Variants in GALNT17 observed in about 807,000 individuals in gnomAD.
GALNT17 encodes the protein polypeptide N-acetylgalactosaminyltransferase 17.
In GALNT17, 29 loss-of-function variants were observed where a neutral mutation model predicts 63.7. The ratio of observed to expected loss-of-function variants is 0.46; its 90% CI spans 0.34 to 0.62. The LOEUF (loss-of-function observed/expected upper bound fraction) is 0.62, where lower values mean the gene tolerates loss of function less well. Ranked by LOEUF, GALNT17 falls within the 20% of genes least tolerant of loss-of-function variation. GALNT17 has a pLI of 0.01. For synonymous variants in GALNT17, 305 were observed against 318.3 expected, an observed-to-expected ratio of 0.96 and a Z score of 0.45; for missense variants, 603 against 799.6, an observed-to-expected ratio of 0.75 and a Z score of 2.97.
chr7:71,633,103 CAAAAAAAAAAAAAAA>C (rs71089970), intron 6 of GALNT17, among the ~76,000 whole-genome samples: 1 of 72,372 alleles, frequency 1.4e-5, no homozygotes, highest in Non-Finnish European at 2.5e-5. Context: ...GACTCTGTCT[CAAAAAAAAAAAAAAA>C]AAAAAAAGAA....
intron 6 of GALNT17, among the ~76,000 whole-genome samples, chr7:71,647,392 G>A (rs1280306845): frequency 6.6e-6 from 1 of 152,032 alleles, no homozygotes; most frequent in Admixed American, 6.6e-5. Flanking sequence ...TTTAAACAAC[G>A]ACAGGGATGG....
chr7:71,595,931 A>G (rs1191957372), intron 6 of GALNT17, among the ~76,000 whole-genome samples: 2 of 152,214 alleles, frequency 1.3e-5, no homozygotes, highest in African/African-American at 4.8e-5. Context: ...TGAGGATCCC[A>G]TAAAGGGCAA....
In GALNT17 at chr7:71,132,777, G is replaced by C. The variant is rs918938902; in HGVS notation, c.-26G>C. On this transcript the variant is annotated 5_prime_UTR_variant, in exon 1 of 11. Coordinates refer to ENST00000333538, the MANE Select transcript of GALNT17 (RefSeq NM_022479.3). ...CCGGAGCCCGAGGGGGCGCAGGTCC[G>C]GGGCGAGGGCCGGCCGGGCTGTTTG... The C allele has an allele frequency of 3.2e-6, 5 of 1,565,050 alleles. No individual in the cohort carries two copies. The highest frequency in any genetic ancestry group is 2.3e-5 in the South Asian group (2 of 86,096).
At chr7:71,262,041 G>A (rs207468052) in intron 1 of GALNT17, among the ~76,000 whole-genome samples, 2 of 152,128 alleles carry the variant, frequency 1.3e-5, no homozygotes, top group Non-Finnish European at 2.9e-5. Flanking sequence ...TTTCTGACGC[G>A]TGATGATGGT....
chr7:71,210,319 G>C (rs1789352763), intron 1 of GALNT17, among the ~76,000 whole-genome samples: 1 of 152,036 alleles, frequency 6.6e-6, no homozygotes, highest in Admixed American at 6.6e-5. Context: ...ATTTGGGTGG[G>C]GATGCAGCCA....
At chr7:71,339,267 T>TA (rs1246244866) in intron 2 of GALNT17, among the ~76,000 whole-genome samples, 6 of 152,202 alleles carry the variant, frequency 3.9e-5, no homozygotes, top group African/African-American at 9.7e-5. Flanking sequence ...GGAAGACAGA[T>TA]ATACCAGCAG....
intron 3 of GALNT17, among the ~76,000 whole-genome samples, chr7:71,393,494 G>T (rs574076000): frequency 6.6e-6 from 1 of 152,172 alleles, no homozygotes; most frequent in South Asian, 2.1e-4. Context: ...AAGATCAATA[G>T]TATAAACAAG....
At chr7:71,526,811 G>C (rs940807682) in intron 5 of GALNT17, among the ~76,000 whole-genome samples, 1 of 152,224 alleles carries the variant, frequency 6.6e-6, no homozygotes, top group African/African-American at 2.4e-5. Context: ...ACTGCACCTG[G>C]CCAATTACGT....
chr7:71,273,169 T>C (rs762708978), intron 1 of GALNT17, among the ~76,000 whole-genome samples: 2 of 152,198 alleles, frequency 1.3e-5, no homozygotes, highest in Non-Finnish European at 2.9e-5. Context: ...TGCATGTTCT[T>C]TTGTGATTTT....
At chr7:71,480,155 CTTTTTTTTTTT>C (rs67257902) in intron 5 of GALNT17, among the ~76,000 whole-genome samples, 1 of 65,328 alleles carries the variant, frequency 1.5e-5, no homozygotes, top group Admixed American at 2.3e-4. Context: ...TTTTTGGAGT[CTTTTTTTTTTT>C]TTTTTTTTTT....
rs1585864696 is a variant in GALNT17 at position 71,184,763 on chromosome 7, TGTCAGTTGCATTAGCTG to T, written c.238+51725_238+51741del. 2.6e-5 allele frequency among the ~76,000 whole-genome samples: 4 copies of T among 152,312 alleles called. No homozygotes were observed. In the East Asian group the frequency reaches 7.7e-4, roughly 29 times the overall value. On this transcript the variant is annotated intron_variant, in intron 1 of 10. Coordinates refer to ENST00000333538, the MANE Select transcript of GALNT17 (RefSeq NM_022479.3). ...TGTGTAACCATACCTGCAAGTGCTG[TGTCAGTTGCATTAGCTG>T]GAATTCTAAATTGACTGTTAGAACA...
At chr7:71,440,602 G>A (rs187110483) in intron 5 of GALNT17, among the ~76,000 whole-genome samples, 2 of 152,146 alleles carry the variant, frequency 1.3e-5, no homozygotes, top group East Asian at 1.9e-4. Flanking sequence ...TTGAACTCCC[G>A]ACCTCAGGTA....
rs542073938 is a variant in GALNT17, at chr7:71,488,570, C to A, written c.962+67465C>A. Among the ~76,000 whole-genome samples the A allele has an allele frequency of 8.4e-4, 123 of 146,194 alleles. 1 individual carries two copies. The highest frequency in any genetic ancestry group is 1.5e-3 in the Non-Finnish European group (101 of 66,688). On this transcript the variant is annotated intron_variant, in intron 5 of 10. Coordinates refer to ENST00000333538, the MANE Select transcript of GALNT17 (RefSeq NM_022479.3). ...TCCCACTGGGCAAGCCAGGACTTGC[C>A]CTTCTTTTTTTTTTTTTTTTTTTTT...
chr7:71,207,311 G>A (rs574869828), intron 1 of GALNT17, among the ~76,000 whole-genome samples: 1 of 152,098 alleles, frequency 6.6e-6, no homozygotes, highest in East Asian at 1.9e-4. Flanking sequence ...ATGTCCCTTC[G>A]TTGTCCTACC....
chr7:71,701,839 A>G lies in GALNT17; in HGVS notation c.1501-8922A>G, dbSNP rs1431877396. ...TACACATATATATACACATATATAT[A>G]TGTGTATATATATATACACATATAT... On this transcript the variant is annotated intron_variant, in intron 9 of 10. Coordinates refer to ENST00000333538, the MANE Select transcript of GALNT17 (RefSeq NM_022479.3). Among the ~76,000 whole-genome samples, 328 of 51,622 alleles carry G rather than the reference A, an allele frequency of 6.4e-3. 7 individuals are homozygous for G. The highest frequency in any genetic ancestry group is 0.045 in the African/African-American group (300 of 6,682). 33.9% of individuals were successfully genotyped at this position (51,622 alleles called of 152,430 possible).
intron 9 of GALNT17, among the ~76,000 whole-genome samples, chr7:71,691,507 T>C (rs1294079013): frequency 1.3e-5 from 2 of 152,214 alleles, no homozygotes; most frequent in Non-Finnish European, 2.9e-5. Flanking sequence ...TGATTTTGCC[T>C]AAGGAAGACT....
intron 1 of GALNT17, among the ~76,000 whole-genome samples, chr7:71,223,010 T>C (rs1157599072): frequency 6.6e-6 from 1 of 152,108 alleles, no homozygotes; most frequent in East Asian, 1.9e-4. Flanking sequence ...CAGTTTAAGG[T>C]TGCAGTGAGC....
intron 2 of GALNT17, among the ~76,000 whole-genome samples, chr7:71,371,146 A>C (rs2116274115): frequency 6.6e-6 from 1 of 152,292 alleles, no homozygotes; most frequent in East Asian, 1.9e-4. Flanking sequence ...TGTGTCTCTT[A>C]TTTAATGCCT....
At chr7:71,154,417 A>G (rs1023347154) in intron 1 of GALNT17, among the ~76,000 whole-genome samples, 2 of 152,170 alleles carry the variant, frequency 1.3e-5, no homozygotes, top group African/African-American at 2.4e-5. Flanking sequence ...CCATGAGGAA[A>G]ATAAGTACAG....
Sources: gnomAD v4.1 joint callset for allele counts (sites outside exome capture counted in the v4.1 genomes callset) on GRCh38, gnomAD v4.1.1 for gene constraint, MANE v1.5 for transcripts, NCBI Gene and HGNC (gene_info 2026-07-23, HGNC 2026-07-21) for gene names.